The following LRRC3B variants were observed in gnomAD, a reference collection of about 807,000 sequenced individuals.
LRRC3B encodes leucine rich repeat containing 3B.
Under a neutral mutation model 12.8 loss-of-function variants are expected in LRRC3B, and 2 were observed. That is an observed-to-expected ratio of 0.16 (90% CI 0.06 to 0.49). The LOEUF (loss-of-function observed/expected upper bound fraction) is 0.49. LRRC3B is among the 20% of genes least tolerant of loss of function. The probability of loss-of-function intolerance (pLI) is 0.96; values close to 1 mark genes in which losing one functional copy is unlikely to be tolerated. For synonymous variants in LRRC3B, 132 were observed against 122.0 expected (o/e 1.08, Z -0.54); for missense variants, 189 against 319.4 (o/e 0.59, Z 3.11).
At chr3:26,647,002 C>G (rs1699166048) in intron 1 of LRRC3B, among the ~76,000 whole-genome samples, 1 of 152,154 alleles carries the variant, frequency 6.6e-6, no homozygotes, top group South Asian at 2.1e-4. Flanking sequence ...TTCTCACCTT[C>G]CCAACTCATC....
intron 1 of LRRC3B, among the ~76,000 whole-genome samples, chr3:26,699,406 A>G (rs1374636336): frequency 6.6e-6 from 1 of 152,078 alleles, no homozygotes; most frequent in Non-Finnish European, 1.5e-5. Context: ...TAGGGCAACT[A>G]AGGGATGGAA....
chr3:26,655,240 G>T (rs1298308463), intron 1 of LRRC3B, among the ~76,000 whole-genome samples: 4 of 152,074 alleles, frequency 2.6e-5, no homozygotes, highest in Admixed American at 2.6e-4. Context: ...ATCTAGTAAA[G>T]AAATTAGTAG....
At chr3:26,706,489 A>G (rs933180220) in intron 1 of LRRC3B, among the ~76,000 whole-genome samples, 4 of 152,184 alleles carry the variant, frequency 2.6e-5, no homozygotes, top group Non-Finnish European at 5.9e-5. Context: ...GTTCAAGTCC[A>G]ACTCCTCTGA....
At chr3:26,649,503 A>G (rs1029108384) in intron 1 of LRRC3B, among the ~76,000 whole-genome samples, 7 of 152,200 alleles carry the variant, frequency 4.6e-5, no homozygotes, top group Non-Finnish European at 7.3e-5. Context: ...CATACTCCTC[A>G]AATTAAAGAT....
chr3:26,663,501 T>C (rs1699537104), intron 1 of LRRC3B, among the ~76,000 whole-genome samples: 1 of 152,184 alleles, frequency 6.6e-6, no homozygotes. Context: ...TGAAAGGGCA[T>C]ATTTATTAAT....
chr3:26,642,029 T>C (rs1054991784), intron 1 of LRRC3B, among the ~76,000 whole-genome samples: 3 of 152,226 alleles, frequency 2.0e-5, no homozygotes, highest in Non-Finnish European at 4.4e-5. Flanking sequence ...AAAAATTATG[T>C]TGTGCAAAAC....
At chr3:26,690,854 T>TAAAC (rs1700174142) in intron 1 of LRRC3B, among the ~76,000 whole-genome samples, 1 of 151,876 alleles carries the variant, frequency 6.6e-6, no homozygotes, top group Non-Finnish European at 1.5e-5. Context: ...CATAATTAGG[T>TAAAC]AAACAGGAGG....
At chr3:26,686,225 G>T (rs571552047) in intron 1 of LRRC3B, among the ~76,000 whole-genome samples, 1 of 152,088 alleles carries the variant, frequency 6.6e-6, no homozygotes, top group African/African-American at 2.4e-5. Context: ...GACTACAGGT[G>T]CCCGCCACCA....
chr3:26,689,321 C>T (rs1038239956), intron 1 of LRRC3B, among the ~76,000 whole-genome samples: 2 of 152,298 alleles, frequency 1.3e-5, no homozygotes, highest in East Asian at 1.9e-4. Context: ...GTTTCTCAAA[C>T]TTGTAGGCCA....
At chr3:26,667,232 T>TAA (rs1307053715) in intron 1 of LRRC3B, among the ~76,000 whole-genome samples, 1 of 151,666 alleles carries the variant, frequency 6.6e-6, no homozygotes, top group Non-Finnish European at 1.5e-5. Flanking sequence ...TGAAAATCAC[T>TAA]AACACTTGAT....
At chr3:26,707,662 C>T (rs1360248830) in intron 1 of LRRC3B, among the ~76,000 whole-genome samples, 1 of 151,922 alleles carries the variant, frequency 6.6e-6, no homozygotes, top group East Asian at 1.9e-4. Context: ...CCTTTATTTT[C>T]TTCAATTACA....
chr3:26,633,781 A>G (rs751845384), intron 1 of LRRC3B, among the ~76,000 whole-genome samples: 22 of 152,214 alleles, frequency 1.4e-4, no homozygotes, highest in Non-Finnish European at 2.8e-4. Flanking sequence ...GACAGAGGAC[A>G]TCTTTGATCA....
At chr3:26,632,453 A>G (rs1259020036) in intron 1 of LRRC3B, among the ~76,000 whole-genome samples, 1 of 152,174 alleles carries the variant, frequency 6.6e-6, no homozygotes, top group East Asian at 1.9e-4. Context: ...TGACAAATCT[A>G]GTTTATCAGA....
chr3:26,643,484 G>C (rs1699077571), intron 1 of LRRC3B, among the ~76,000 whole-genome samples: 1 of 152,112 alleles, frequency 6.6e-6, no homozygotes, highest in African/African-American at 2.4e-5. Flanking sequence ...TGGGCATTTA[G>C]AGTCATCTCC....
intron 1 of LRRC3B, among the ~76,000 whole-genome samples, chr3:26,669,535 C>T (rs1471733387): frequency 6.6e-6 from 1 of 152,000 alleles, no homozygotes; most frequent in Non-Finnish European, 1.5e-5. Context: ...CCATGATAAC[C>T]CCAAGAATCA....
intron 1 of LRRC3B, among the ~76,000 whole-genome samples, chr3:26,708,195 G>C (rs991157851): frequency 6.6e-6 from 1 of 152,178 alleles, no homozygotes; most frequent in Non-Finnish European, 1.5e-5. Context: ...TAAGAGGACT[G>C]AATGCTCTTC....
intron 1 of LRRC3B, among the ~76,000 whole-genome samples, chr3:26,626,240 ACTTCT>A (rs1051393367): frequency 6.6e-6 from 1 of 152,202 alleles, no homozygotes; most frequent in Non-Finnish European, 1.5e-5. Flanking sequence ...CTGGTAATGG[ACTTCT>A]CTTCTGAACC....
chr3:26,640,995 G>C (rs1307681618), intron 1 of LRRC3B, among the ~76,000 whole-genome samples: 1 of 152,182 alleles, frequency 6.6e-6, no homozygotes, highest in Non-Finnish European at 1.5e-5. Flanking sequence ...AGAATAAACA[G>C]ACTTTCTACA....
At chr3:26,696,474 C>G (rs1027974399) in intron 1 of LRRC3B, among the ~76,000 whole-genome samples, 1 of 152,152 alleles carries the variant, frequency 6.6e-6, no homozygotes, top group African/African-American at 2.4e-5. Context: ...TTTAAAATGG[C>G]ATTCTGTAAA....
Sources: gnomAD v4.1 joint callset for allele counts (sites outside exome capture counted in the v4.1 genomes callset) on GRCh38, gnomAD v4.1.1 for gene constraint, MANE v1.5 for transcripts, NCBI Gene and HGNC (gene_info 2026-07-23, HGNC 2026-07-21) for gene names.